IFT56: variants seen among roughly 807,000 people sequenced by gnomAD.
IFT56 encodes intraflagellar transport 56.
At chr7:139,187,878 C>T in the IFT56 span, among the ~76,000 whole-genome samples, 4 of 150,204 alleles carry the variant, frequency 2.7e-5, no homozygotes, top group South Asian at 4.2e-4. Flanking sequence ...TTTTTTTTTA[C>T]TCTTCTACTC....
the IFT56 span, among the ~76,000 whole-genome samples, chr7:139,179,331 A>G: frequency 6.6e-6 from 1 of 152,266 alleles, no homozygotes; most frequent in Non-Finnish European, 1.5e-5. Context: ...TGTATCATAC[A>G]GTTGTTAATT....
At chr7:139,137,210 C>T in the IFT56 span, among the ~76,000 whole-genome samples, 2 of 152,136 alleles carry the variant, frequency 1.3e-5, no homozygotes, top group Non-Finnish European at 2.9e-5. Flanking sequence ...CAAAATAAGG[C>T]TTTTCTTTTG....
the IFT56 span, among the ~76,000 whole-genome samples, chr7:139,149,461 A>G: frequency 6.6e-6 from 1 of 151,066 alleles, no homozygotes; most frequent in African/African-American, 2.4e-5. Context: ...CTCACCTCTT[A>G]TTTTGGCCCT....
chr7:139,142,604 C>T, the IFT56 span, among the ~76,000 whole-genome samples: 4 of 152,096 alleles, frequency 2.6e-5, no homozygotes, highest in Admixed American at 6.6e-5. Context: ...CTGAAGCGGG[C>T]GGATCATCTG....
the IFT56 span, among the ~76,000 whole-genome samples, chr7:139,140,515 C>T: frequency 2.0e-5 from 3 of 152,116 alleles, no homozygotes; most frequent in Admixed American, 6.5e-5. Context: ...TGCGGTGGCT[C>T]ACGCCTGTAA....
the IFT56 span, among the ~76,000 whole-genome samples, chr7:139,142,004 G>A: frequency 1.5e-3 from 236 of 152,308 alleles, 1 homozygote; most frequent in Admixed American, 2.7e-3. Context: ...TTGCATGGTG[G>A]ATCACCATAA....
chr7:139,155,675 C>T, the IFT56 span, among the ~76,000 whole-genome samples: 7 of 152,136 alleles, frequency 4.6e-5, no homozygotes, highest in African/African-American at 1.7e-4. Context: ...TACAGGATTC[C>T]ATTTGCTAAG....
chr7:139,153,072 C>T, the IFT56 span, among the ~76,000 whole-genome samples: 1 of 151,704 alleles, frequency 6.6e-6, no homozygotes. Flanking sequence ...TCGCTTGAAC[C>T]CGGGAGGCGG....
chr7:139,191,135 C>A, the IFT56 span: 5 of 152,318 alleles, frequency 3.3e-5, no homozygotes, highest in African/African-American at 9.6e-5. Context: ...GCCAGTTTTT[C>A]TGTCTTTTAT....
the IFT56 span, among the ~76,000 whole-genome samples, chr7:139,171,058 A>G: frequency 3.9e-5 from 6 of 152,330 alleles, no homozygotes; most frequent in African/African-American, 1.4e-4. Flanking sequence ...TGCCAACAGC[A>G]AACAATCTGA....
At chr7:139,173,710 A>T in the IFT56 span, 1 of 770,836 alleles carries the variant, frequency 1.3e-6, no homozygotes, top group South Asian at 1.3e-5. Flanking sequence ...GAGGCCTCTC[A>T]TTGGCTGAAA....
At chr7:139,142,935 G>A in the IFT56 span, among the ~76,000 whole-genome samples, 1 of 152,018 alleles carries the variant, frequency 6.6e-6, no homozygotes, top group African/African-American at 2.4e-5. Context: ...ACACTTTTCA[G>A]AATTGCTGTA....
the IFT56 span, chr7:139,173,170 G>A: frequency 7.9e-5 from 49 of 621,208 alleles, no homozygotes; most frequent in Non-Finnish European, 1.3e-4. Flanking sequence ...CTCCTGGATC[G>A]TATTAGTGTT....
the IFT56 span, chr7:139,181,146 C>A: frequency 3.0e-5 from 49 of 1,613,130 alleles, no homozygotes; most frequent in African/African-American, 5.3e-4. Context: ...AAGATGGAAA[C>A]CTCCGGCGAG....
chr7:139,141,738 C>G, the IFT56 span, among the ~76,000 whole-genome samples: 14 of 152,108 alleles, frequency 9.2e-5, no homozygotes, highest in Non-Finnish European at 1.6e-4. Context: ...TGCTGGACTG[C>G]CTGTTTCAGG....
the IFT56 span, among the ~76,000 whole-genome samples, chr7:139,141,677 G>C: frequency 1.3e-5 from 2 of 152,144 alleles, no homozygotes; most frequent in Non-Finnish European, 2.9e-5. Context: ...GAATCAGAAA[G>C]TTTTCCAAGA....
chr7:139,160,279 TCTC>T, the IFT56 span, among the ~76,000 whole-genome samples: 1 of 152,166 alleles, frequency 6.6e-6, no homozygotes, highest in Admixed American at 6.5e-5. Flanking sequence ...TTTATTAACA[TCTC>T]CTTTCAGATT....
chr7:139,154,352 CCTT>C, the IFT56 span, among the ~76,000 whole-genome samples: 1 of 140,260 alleles, frequency 7.1e-6, no homozygotes, highest in Non-Finnish European at 1.5e-5. Flanking sequence ...TCAAAGTTAT[CCTT>C]TTTTTTTTTT....
chr7:139,172,799 C>T, the IFT56 span: 3 of 645,332 alleles, frequency 4.6e-6, no homozygotes, highest in African/African-American at 1.8e-5. Flanking sequence ...GACAGGACCT[C>T]GTTCATTTCA....
Sources: gnomAD v4.1 joint callset for allele counts (sites outside exome capture counted in the v4.1 genomes callset) on GRCh38, gnomAD v4.1.1 for gene constraint, MANE v1.5 for transcripts, NCBI Gene and HGNC (gene_info 2026-07-23, HGNC 2026-07-21) for gene names.